Variants in ABCA12 observed in about 807,000 individuals in gnomAD.
ABCA12 encodes the protein glucosylceramide transporter ABCA12.
ABCA12 carries 156 observed loss-of-function variants against 293.5 expected under a neutral mutation model. The observed-to-expected ratio is 0.53, with a 90% CI of 0.47 to 0.61. The LOEUF is 0.61. Ranked by LOEUF, ABCA12 falls within the 20% of genes least tolerant of loss-of-function variation. ABCA12 has a pLI of 0.00. For missense variants in ABCA12, 2,797 were observed against 3,090.2 expected, an observed-to-expected ratio of 0.91 and a Z score of 2.25; for synonymous variants, 1,063 against 1,108.0, an observed-to-expected ratio of 0.96 and a Z score of 0.81.
intron 19 of ABCA12, among the ~76,000 whole-genome samples, chr2:215,005,382 T>G (rs1700231025): frequency 6.6e-6 from 1 of 152,218 alleles, no homozygotes; most frequent in Non-Finnish European, 1.5e-5. Context: ...CTCATGTCCT[T>G]CTTACCAGTG....
chr2:214,953,488 A>C (rs182319810), intron 44 of ABCA12, among the ~76,000 whole-genome samples: 2 of 152,080 alleles, frequency 1.3e-5, no homozygotes, highest in Admixed American at 1.3e-4. Flanking sequence ...TCCACACTCA[A>C]TCCTCTTTCC....
In ABCA12 at chr2:215,001,666, CT is replaced by C; in HGVS notation, c.2754del (p.Val919Ter). 6.2e-7 allele frequency: 1 copy of C among 1,613,692 alleles called. No individual in the cohort carries two copies. The highest frequency in any genetic ancestry group is 8.5e-7 in the Non-Finnish European group (1 of 1,179,806). On this transcript the variant is annotated frameshift_variant, in exon 21 of 53. Transcript: ENST00000272895. LOFTEE classifies it high-confidence loss of function. ...TATAATACACAAGAGGAAATATTTA[CT>C]GTCAGGGAAGATAGTGTGTTAAGCT... Reference protein sequence around the residue: ...IDQLNTLSSLTVNISSCVLYD... With the variant: ...IDQLNTLSSLXVNISSCVLYD...
At chr2:215,088,750 G>A (rs923792007) in intron 2 of ABCA12, among the ~76,000 whole-genome samples, 2 of 152,096 alleles carry the variant, frequency 1.3e-5, no homozygotes, top group Admixed American at 6.6e-5. Context: ...AAATGAGAAC[G>A]GAGACACCTG....
chr2:215,055,628 A>G (rs183201041), intron 3 of ABCA12, among the ~76,000 whole-genome samples: 2 of 152,204 alleles, frequency 1.3e-5, no homozygotes, highest in East Asian at 3.9e-4. Flanking sequence ...TCTGCTTACT[A>G]CCATGGTTCA....
chr2:214,990,570 AT>A, intron 24 of ABCA12, 131 bp downstream of exon 24: 1 of 904,280 alleles, frequency 1.1e-6, no homozygotes, highest in East Asian at 2.6e-5. Context: ...TCATTAGGAC[AT>A]TAAGCTTACT....
chr2:215,114,236 G>A (rs895943060), intron 1 of ABCA12, among the ~76,000 whole-genome samples: 4 of 152,180 alleles, frequency 2.6e-5, no homozygotes, highest in Admixed American at 1.3e-4. Context: ...GCCTCCCAAA[G>A]TGCTGAGATT....
intron 41 of ABCA12, among the ~76,000 whole-genome samples, chr2:214,957,662 A>G (rs1698990839): frequency 6.6e-6 from 1 of 152,212 alleles, no homozygotes; most frequent in Non-Finnish European, 1.5e-5. Context: ...AGGCAAATGC[A>G]TACCCATCCT....
intron 23 of ABCA12, among the ~76,000 whole-genome samples, chr2:214,991,918 AAATACCT>A (rs1301365959): frequency 1.3e-5 from 2 of 152,172 alleles, no homozygotes; most frequent in Non-Finnish European, 2.9e-5. Context: ...GCATTAGGAG[AAATACCT>A]AATGTAGATG....
At chr2:215,136,143 T>C (rs1703221880) in intron 1 of ABCA12, among the ~76,000 whole-genome samples, 1 of 152,202 alleles carries the variant, frequency 6.6e-6, no homozygotes, top group South Asian at 2.1e-4. Flanking sequence ...TCTGAATCAT[T>C]CCCTGTCCCA....
intron 50 of ABCA12, among the ~76,000 whole-genome samples, chr2:214,938,404 G>C (rs1181551838): frequency 6.6e-6 from 1 of 152,090 alleles, no homozygotes; most frequent in African/African-American, 2.4e-5. Flanking sequence ...TTGCTATTGT[G>C]AACAGTGCTG....
intron 2 of ABCA12, among the ~76,000 whole-genome samples, chr2:215,107,315 G>T (rs550943003): frequency 6.6e-6 from 1 of 152,198 alleles, no homozygotes; most frequent in African/African-American, 2.4e-5. Context: ...GTGCTGTTTT[G>T]TTGGCCCTTG....
rs1260372200 is a variant in ABCA12, at chr2:215,089,837, A to T, written c.163+21760T>A. On this transcript the variant is annotated intron_variant, in intron 2 of 52. Transcript: ENST00000272895. ...AAACACTAGACCAGTTTTTTAAAGC[A>T]TGAACTGCAACAAACAAGTGGTGTT... Among the ~76,000 whole-genome samples, 3 of 152,246 alleles carry T rather than the reference A, an allele frequency of 2.0e-5. No homozygotes were observed. In the East Asian group the frequency reaches 5.8e-4, roughly 29 times the overall value.
In ABCA12 at chr2:215,052,593, AAAG is replaced by A; in HGVS notation, c.410-12_410-10del. 1.2e-6 allele frequency: 2 copies of A among 1,606,728 alleles called. No individual in the cohort carries two copies. Among genetic ancestry groups the A allele is most frequent in the Non-Finnish European group, 1.7e-6 (2 of 1,173,926 alleles). On this transcript the variant is annotated splice_polypyrimidine_tract_variant and intron_variant, in intron 4 of 52. Coordinates refer to ENST00000272895, the MANE Select transcript of ABCA12 (RefSeq NM_173076.3). ...ACTGGGAAATACTGTGGCTGTAATC[AAAG>A]AAGGAACAGATTAGCATTCCACACA...
chr2:215,133,135 T>C (rs535582021), intron 1 of ABCA12, among the ~76,000 whole-genome samples: 1 of 147,294 alleles, frequency 6.8e-6, no homozygotes, highest in East Asian at 2.1e-4. Flanking sequence ...GACTCTTTTC[T>C]CTAGCTGGCT....
At position 214,989,579 on chromosome 2, in the gene ABCA12, T is replaced by C. The variant is rs766765907; in HGVS notation, c.3667A>G (p.Ile1223Val). 3.1e-6 allele frequency: 5 copies of C among 1,613,954 alleles called. No homozygotes were observed. Among genetic ancestry groups the C allele is most frequent in the Non-Finnish European group, 2.5e-6 (3 of 1,179,988 alleles). Reference sequence around the variant, plus strand: ...ATGCCCTGTTCTTCGTATCGTGCAATGTATTGGCTTGCATAGCTGAATGCT... The same window carrying C: ...ATGCCCTGTTCTTCGTATCGTGCAACGTATTGGCTTGCATAGCTGAATGCT... Reference protein sequence around the residue: ...PTAFSYASQYIARYEEQGIGL... With the variant: ...PTAFSYASQYVARYEEQGIGL... Residue 1223 changes from isoleucine to valine, a missense_variant, in exon 25 of 53, where the codon ATT becomes GTT. Ile to Val is a conservative substitution (Grantham distance 29). Around this residue, in one of 3 missense-constraint regions of ABCA12, gnomAD observed 2,130 missense variants for 2,427.0 expected, o/e 0.88. Transcript: ENST00000272895.
chr2:215,044,861 A>G (rs1701169400), intron 7 of ABCA12, among the ~76,000 whole-genome samples: 1 of 152,170 alleles, frequency 6.6e-6, no homozygotes, highest in Non-Finnish European at 1.5e-5. Flanking sequence ...AAAGCATTCC[A>G]AAAGTAAAAA....
chr2:215,124,596 T>C (rs1702882906), intron 1 of ABCA12, among the ~76,000 whole-genome samples: 3 of 152,188 alleles, frequency 2.0e-5, no homozygotes, highest in Admixed American at 6.5e-5. Context: ...GCCATTTGTA[T>C]ATCTTCTTTT....
chr2:215,039,627 C>T (rs916083934), intron 7 of ABCA12, among the ~76,000 whole-genome samples: 5 of 151,860 alleles, frequency 3.3e-5, no homozygotes, highest in East Asian at 1.9e-4. Flanking sequence ...TGGTGGCGGG[C>T]GCCTGTAGTC....
At chr2:215,120,345 T>C (rs1702780298) in intron 1 of ABCA12, among the ~76,000 whole-genome samples, 2 of 152,036 alleles carry the variant, frequency 1.3e-5, no homozygotes, top group Admixed American at 6.6e-5. Context: ...TTGGATGCAA[T>C]ATACTCATCT....
Sources: gnomAD v4.1 joint callset for allele counts (sites outside exome capture counted in the v4.1 genomes callset) on GRCh38, gnomAD v4.1.1 for gene constraint, gnomAD v4.1.1 regional missense constraint, MANE v1.5 for transcripts, NCBI Gene and HGNC (gene_info 2026-07-23, HGNC 2026-07-21) for gene names.